Variants in DISC1 observed in about 807,000 individuals in gnomAD.
DISC1 encodes the protein disrupted in schizophrenia 1 protein.
DISC1 carries 57 observed loss-of-function variants against 84.5 expected under a neutral mutation model. The ratio of observed to expected loss-of-function variants is 0.67; its 90% confidence interval spans 0.55 to 0.84. The LOEUF (loss-of-function observed/expected upper bound fraction) is 0.84, where lower values mean the gene tolerates loss of function less well. Ranked by LOEUF, DISC1 falls within the 40% of genes least tolerant of loss-of-function variation. The probability of loss-of-function intolerance (pLI) is 0.00; values close to 1 mark genes in which losing one functional copy is unlikely to be tolerated. For synonymous variants in DISC1, 411 were observed against 415.2 expected (o/e 0.99, Z 0.12); for missense variants, 1,000 against 1,057.8 (o/e 0.95, Z 0.76).
intron 11 of DISC1, among the ~76,000 whole-genome samples, chr1:232,026,078 C>T (rs992636441): frequency 3.3e-5 from 5 of 152,134 alleles, no homozygotes; most frequent in Admixed American, 2.0e-4. Flanking sequence ...TGTGACCCCT[C>T]TCCCCACTTT....
At chr1:231,819,003 G>A (rs529913539) in intron 9 of DISC1, 10 of 995,302 alleles carry the variant, frequency 1.0e-5, no homozygotes, top group South Asian at 9.0e-5. Flanking sequence ...TGTGAATGCC[G>A]CCTTAGCCAA....
intron 9 of DISC1, among the ~76,000 whole-genome samples, chr1:231,847,334 G>A (rs1466352175): frequency 3.3e-5 from 5 of 152,094 alleles, no homozygotes; most frequent in Admixed American, 2.0e-4. Context: ...TCTAAAGACC[G>A]TGTCTCCAAA....
rs186195315 is a variant in DISC1 at position 232,030,561 on chromosome 1, C to T, written c.2425+4009C>T. Among the ~76,000 whole-genome samples the T allele has an allele frequency of 2.0e-5, 3 of 152,316 alleles. No homozygotes were observed. In the East Asian group the frequency reaches 5.8e-4, roughly 29 times the overall value. ...TCTGTTTCTCTGGTTATTTGGAGTG[C>T]ATGGTGCCCAATTGTTTAGTTTTGG... is the stretch of plus-strand genomic sequence containing the variant. On this transcript the variant is annotated intron_variant, in intron 12 of 12. Coordinates refer to ENST00000439617, the MANE Select transcript of DISC1 (RefSeq NM_018662.3).
chr1:231,979,687 T>C (rs1464051949), intron 10 of DISC1, among the ~76,000 whole-genome samples: 1 of 151,048 alleles, frequency 6.6e-6, no homozygotes, highest in Non-Finnish European at 1.5e-5. Context: ...AGTATACTGA[T>C]ATATATATAA....
intron 9 of DISC1, among the ~76,000 whole-genome samples, chr1:231,852,419 CA>C (rs538089757): frequency 4.1e-4 from 63 of 152,326 alleles, no homozygotes; most frequent in African/African-American, 1.4e-3. Context: ...GAACTACTCA[CA>C]GGGGTGAGCA....
At chr1:231,934,644 G>A (rs2090873472) in intron 9 of DISC1, among the ~76,000 whole-genome samples, 1 of 152,194 alleles carries the variant, frequency 6.6e-6, no homozygotes, top group South Asian at 2.1e-4. Flanking sequence ...CTAGTTGGAT[G>A]AAAAACAGCT....
chr1:231,943,432 G>C (rs190605550), intron 9 of DISC1, among the ~76,000 whole-genome samples: 1 of 152,232 alleles, frequency 6.6e-6, no homozygotes, highest in East Asian at 1.9e-4. Flanking sequence ...AATAACTTCC[G>C]TGGACTCTGG....
At chr1:231,946,457 T>C (rs1476558317) in intron 9 of DISC1, among the ~76,000 whole-genome samples, 1 of 152,218 alleles carries the variant, frequency 6.6e-6, no homozygotes, top group Non-Finnish European at 1.5e-5. Flanking sequence ...CGATGGAATG[T>C]ATCTCAAAAT....
In DISC1 at chr1:231,820,681, C is replaced by G. The variant is rs115414899; in HGVS notation, c.1981+2164C>G. Among the ~76,000 whole-genome samples the G allele has an allele frequency of 9.4e-3, 1,432 of 152,244 alleles. 20 individuals carry two copies. The highest frequency in any genetic ancestry group is 0.031 in the African/African-American group (1,302 of 41,542). On this transcript the variant is annotated intron_variant, in intron 9 of 12. Coordinates refer to ENST00000439617, the MANE Select transcript of DISC1 (RefSeq NM_018662.3). ...TGGCTGACCCAGCCACATGCATGTC[C>G]AAGTCCAGTCAGAAAAAAAACAAAG...
intron 11 of DISC1, among the ~76,000 whole-genome samples, chr1:232,016,609 C>G (rs1312234958): frequency 2.0e-5 from 3 of 152,178 alleles, no homozygotes; most frequent in African/African-American, 7.2e-5. Context: ...CAAAGGTTGC[C>G]CTTCAAGTAA....
At chr1:231,790,679 C>T (rs887973681) in intron 6 of DISC1, among the ~76,000 whole-genome samples, 5 of 152,066 alleles carry the variant, frequency 3.3e-5, no homozygotes, top group African/African-American at 4.8e-5. Flanking sequence ...CCACCACGCT[C>T]GGCTAATTTT....
intron 1 of DISC1, among the ~76,000 whole-genome samples, chr1:231,645,339 C>T (rs574792619): frequency 8.7e-4 from 132 of 152,194 alleles, no homozygotes; most frequent in African/African-American, 3.1e-3. Context: ...CTCCTTTCTG[C>T]ACCTTACTGC....
chr1:232,030,226 C>T (rs1333565890), intron 12 of DISC1, among the ~76,000 whole-genome samples: 1 of 152,172 alleles, frequency 6.6e-6, no homozygotes. Context: ...ATCTGGGGTC[C>T]TAATTAGCAG....
At chr1:232,023,720 T>C (rs199660456) in intron 11 of DISC1, among the ~76,000 whole-genome samples, 60 of 152,284 alleles carry the variant, frequency 3.9e-4, no homozygotes, top group African/African-American at 9.1e-4. Context: ...ATTGAGTCAT[T>C]TGATTTCGTT....
intron 9 of DISC1, among the ~76,000 whole-genome samples, chr1:231,863,639 A>C (rs1440451679): frequency 6.6e-6 from 1 of 152,192 alleles, no homozygotes; most frequent in Non-Finnish European, 1.5e-5. Flanking sequence ...GGGTAGATTG[A>C]ACTTCTCATA....
chr1:231,656,690 G>A (rs1398877103), intron 1 of DISC1, among the ~76,000 whole-genome samples: 3 of 152,106 alleles, frequency 2.0e-5, no homozygotes, highest in Non-Finnish European at 4.4e-5. Context: ...ACAAGTAAAC[G>A]TGTGCCATGG....
chr1:231,984,162 TG>T (rs1664066373), intron 10 of DISC1, among the ~76,000 whole-genome samples: 2 of 152,206 alleles, frequency 1.3e-5, no homozygotes, highest in Non-Finnish European at 2.9e-5. Flanking sequence ...AAAATAACTT[TG>T]CAGTCAGTCC....
intron 9 of DISC1, among the ~76,000 whole-genome samples, chr1:231,831,583 A>G (rs1356022060): frequency 2.0e-5 from 3 of 152,208 alleles, no homozygotes; most frequent in Non-Finnish European, 4.4e-5. Flanking sequence ...GCCTAGAGCA[A>G]TGGGATCTGA....
chr1:231,941,074 G>T (rs1308873238), intron 9 of DISC1: 8 of 152,316 alleles, frequency 5.3e-5, no homozygotes, highest in South Asian at 2.1e-4. Context: ...TGGGTGGGAG[G>T]TTCCCCTTCA....
Sources: allele counts gnomAD v4.1 joint callset (sites outside exome capture counted in the v4.1 genomes callset), GRCh38; gene constraint gnomAD v4.1.1; transcripts MANE v1.5; gene names NCBI Gene and HGNC (gene_info 2026-07-23, HGNC 2026-07-21).